Variants in PRKCI observed in about 807,000 individuals in gnomAD.
PRKCI encodes the protein protein kinase C iota, also known as protein kinase C iota type.
A neutral mutation model predicts 84.0 loss-of-function variants in PRKCI; 43 were observed. The ratio of observed to expected loss-of-function variants is 0.51; its 90% confidence interval spans 0.40 to 0.66. The LOEUF (loss-of-function observed/expected upper bound fraction) is 0.66. Among genes scored for constraint, PRKCI ranks in the 30% least tolerant of loss-of-function variants. The pLI is 0.00. For synonymous variants in PRKCI, 216 were observed against 234.4 expected (o/e 0.92, Z 0.72); for missense variants, 459 against 745.6 (o/e 0.62, Z 4.48).
chr3:170,228,507 C>T (rs772102273), intron 1 of PRKCI, among the ~76,000 whole-genome samples: 6 of 151,816 alleles, frequency 4.0e-5, no homozygotes, highest in Non-Finnish European at 7.4e-5. Context: ...GCCAGGAAGT[C>T]AAGGCTGCAG....
At chr3:170,296,024 G>T (rs1411327181) in intron 15 of PRKCI, 34 bp downstream of exon 15, 4 of 1,304,740 alleles carry the variant, frequency 3.1e-6, no homozygotes, top group African/African-American at 1.5e-5. Context: ...TTTGTGATTT[G>T]TCTCTTTCTA....
chr3:170,297,172 A>G, intron 15 of PRKCI, 132 bp from the exon 16 acceptor site: 1 of 686,992 alleles, frequency 1.5e-6, no homozygotes, highest in South Asian at 2.0e-5. Context: ...TGTACTTTCT[A>G]GAAATAAAAG....
intron 2 of PRKCI, among the ~76,000 whole-genome samples, chr3:170,259,400 TTATATC>T (rs1283518893): frequency 6.6e-6 from 1 of 152,116 alleles, no homozygotes; most frequent in Non-Finnish European, 1.5e-5. Context: ...GAACAAAATT[TTATATC>T]TATATACATT....
intron 2 of PRKCI, among the ~76,000 whole-genome samples, chr3:170,247,865 T>C (rs1486014179): frequency 6.6e-6 from 1 of 152,006 alleles, no homozygotes; most frequent in African/African-American, 2.4e-5. Context: ...ACTGTTGTTA[T>C]TGGGCCTGAT....
Position 170,251,991 on chromosome 3 carries a change from G to A in PRKCI, c.224-7978G>A, listed in dbSNP as rs187026517. 2.3e-3 allele frequency among the ~76,000 whole-genome samples: 355 copies of A among 152,060 alleles called. 1 individual carries two copies. Among genetic ancestry groups the A allele is most frequent in the Admixed American group, 6.1e-3 (93 of 15,272 alleles). ...AGCACTTTGGGAGGCCGAGGTGGGTGGATCCTGAGGTCAGGAGATCGATAC... is the reference window on the plus strand; with the variant it reads ...AGCACTTTGGGAGGCCGAGGTGGGTAGATCCTGAGGTCAGGAGATCGATAC... On this transcript the variant is annotated intron_variant, in intron 2 of 17. Transcript: ENST00000295797.
intron 10 of PRKCI, chr3:170,281,568 C>T (rs1365238776): frequency 5.0e-6 from 2 of 401,386 alleles, no homozygotes; most frequent in African/African-American, 2.0e-5. Context: ...TAGCATTTAA[C>T]AAGGAGGAAA....
intron 1 of PRKCI, among the ~76,000 whole-genome samples, chr3:170,228,160 T>G (rs1332062984): frequency 6.6e-6 from 1 of 152,212 alleles, no homozygotes; most frequent in Non-Finnish European, 1.5e-5. Flanking sequence ...ATTTATTGTC[T>G]GTCTACTCTG....
At chr3:170,265,378 A>G (rs946082115) in intron 4 of PRKCI, among the ~76,000 whole-genome samples, 51 of 152,288 alleles carry the variant, frequency 3.3e-4, no homozygotes, top group African/African-American at 1.2e-3. Context: ...ATCTAAGCCA[A>G]TGGTTACTAT....
chr3:170,235,149 C>G, intron 1 of PRKCI, 81 bp from the exon 2 acceptor site: 9 of 1,401,814 alleles, frequency 6.4e-6, no homozygotes, highest in Non-Finnish European at 8.8e-6. Flanking sequence ...TGAAGTTCAT[C>G]AAATTGTCAA....
chr3:170,230,720 T>C (rs923037931), intron 1 of PRKCI, among the ~76,000 whole-genome samples: 19 of 152,188 alleles, frequency 1.2e-4, no homozygotes, highest in Non-Finnish European at 2.2e-4. Flanking sequence ...ACTTTTTTTT[T>C]CTCCAAAATT....
At chr3:170,259,826 GTAAA>G in intron 2 of PRKCI, 139 bp from the exon 3 acceptor site, 1 of 413,442 alleles carries the variant, frequency 2.4e-6, no homozygotes, top group Non-Finnish European at 4.3e-6. Flanking sequence ...ATAATAATAA[GTAAA>G]TAAATATTTG....
At chr3:170,291,813 C>T (rs41273585) in intron 12 of PRKCI, 41 bp from the exon 13 acceptor site, 59,954 of 1,498,440 alleles carry the variant, frequency 0.04, 3,139 homozygotes, top group African/African-American at 0.23. Context: ...TAAAACAGAA[C>T]TTTTTATCTC....
intron 15 of PRKCI, among the ~76,000 whole-genome samples, chr3:170,296,353 T>C (rs1254828880): frequency 6.6e-6 from 1 of 152,240 alleles, no homozygotes; most frequent in Non-Finnish European, 1.5e-5. Flanking sequence ...ATAGAATCTA[T>C]TTATTACCAT....
chr3:170,223,220 C>G (rs1049184793), intron 1 of PRKCI, among the ~76,000 whole-genome samples: 3 of 152,182 alleles, frequency 2.0e-5, no homozygotes, highest in Admixed American at 2.0e-4. Flanking sequence ...ACCAGCAGGC[C>G]TAACGCCTCT....
intron 17 of PRKCI, among the ~76,000 whole-genome samples, chr3:170,299,784 C>T (rs1177558834): frequency 2.0e-5 from 3 of 152,208 alleles, no homozygotes; most frequent in Non-Finnish European, 4.4e-5. Context: ...AAGGCCTGTG[C>T]TCTTTCTACC....
At chr3:170,262,824 C>G (rs935090755) in intron 3 of PRKCI, among the ~76,000 whole-genome samples, 1 of 134,482 alleles carries the variant, frequency 7.4e-6, no homozygotes, top group African/African-American at 2.9e-5. Context: ...GAACTTTTTT[C>G]TTTCTTTCTT....
At chr3:170,256,934 C>G (rs567077) in intron 2 of PRKCI, among the ~76,000 whole-genome samples, 148,310 of 152,170 alleles carry the variant, frequency 0.97, 72,295 homozygotes, top group East Asian at 1. Flanking sequence ...TGACCCCCTG[C>G]TTAATAAGGG....
intron 4 of PRKCI, among the ~76,000 whole-genome samples, chr3:170,265,432 G>A (rs1733835183): frequency 6.6e-6 from 1 of 152,118 alleles, no homozygotes; most frequent in African/African-American, 2.4e-5. Context: ...TTGTTCTAAT[G>A]TAATTTAATA....
At chr3:170,254,728 T>C (rs1329104100) in intron 2 of PRKCI, among the ~76,000 whole-genome samples, 1 of 152,204 alleles carries the variant, frequency 6.6e-6, no homozygotes, top group African/African-American at 2.4e-5. Flanking sequence ...TTACTACAGT[T>C]TGTAGTATAA....
Sources: gnomAD v4.1 joint callset for allele counts (sites outside exome capture counted in the v4.1 genomes callset) on GRCh38, gnomAD v4.1.1 for gene constraint, MANE v1.5 for transcripts, NCBI Gene and HGNC (gene_info 2026-07-23, HGNC 2026-07-21) for gene names.